Variants in KLHL4 observed in about 807,000 individuals in gnomAD.
KLHL4 encodes kelch like family member 4.
In KLHL4, 17 loss-of-function variants were observed where a neutral mutation model predicts 45.8. The ratio of observed to expected loss-of-function variants is 0.37; its 90% confidence interval spans 0.25 to 0.56. KLHL4 has a LOEUF of 0.56. Among genes scored for constraint, KLHL4 ranks in the 20% least tolerant of loss-of-function variants. The probability of loss-of-function intolerance (pLI) is 0.79; values close to 1 mark genes in which losing one functional copy is unlikely to be tolerated. For synonymous variants in KLHL4, 224 were observed against 189.9 expected (o/e 1.18, Z -1.47); for missense variants, 544 against 544.9 (o/e 1.00, Z 0.02).
intron 1 of KLHL4, among the ~76,000 whole-genome samples, chrX:87,530,404 A>G (rs1215344054): frequency 1.1e-5 from 1 of 90,917 alleles, no homozygotes; most frequent in Non-Finnish European, 2.2e-5. Context: ...ATATCTCCCA[A>G]TGCTATCCCT....
intron 1 of KLHL4, among the ~76,000 whole-genome samples, chrX:87,523,761 G>A (rs952472616): frequency 1.3e-4 from 14 of 110,804 alleles, no homozygotes; most frequent in African/African-American, 4.6e-4. Context: ...TCAGGAGTTC[G>A]AGACCAGCCT....
chrX:87,544,576 G>C (rs1261276087), intron 1 of KLHL4, among the ~76,000 whole-genome samples: 1 of 111,775 alleles, frequency 8.9e-6, no homozygotes, highest in African/African-American at 3.3e-5. Flanking sequence ...ATTTGTGTCA[G>C]TCCACACCAA....
intron 1 of KLHL4, among the ~76,000 whole-genome samples, chrX:87,536,258 G>T (rs778721719): frequency 9.0e-6 from 1 of 110,863 alleles, no homozygotes; most frequent in Non-Finnish European, 1.9e-5. Context: ...AAACAAATTT[G>T]GCCCTATTCT....
chrX:87,517,902 G>A lies in KLHL4; in HGVS notation c.9G>A (p.Val3=). The A allele has an allele frequency of 8.3e-7, 1 of 1,202,210 alleles. No individual in the cohort carries two copies. Among genetic ancestry groups the A allele is most frequent in the African/African-American group, 1.7e-5 (1 of 57,597 alleles). ...TCTTTCCTCCTGCTACGATGTCAGT[G>A]TCTGGCAAGAAAGAGTTTGATGTGA... is the stretch of plus-strand genomic sequence containing the variant. MS[V]SGKKEFDVKQ... Residue 3 remains valine, a synonymous_variant, in exon 1 of 11, where the codon GTG becomes GTA. Transcript: ENST00000373119.
intron 9 of KLHL4, among the ~76,000 whole-genome samples, chrX:87,660,712 C>A (rs1401242519): frequency 1.8e-5 from 2 of 112,110 alleles, no homozygotes; most frequent in South Asian, 3.6e-4. Context: ...GGCATTGTCG[C>A]GCATGCCTGT....
chrX:87,622,505 T>C, intron 5 of KLHL4, 82 bp downstream of exon 5: 1 of 636,623 alleles, frequency 1.6e-6, no homozygotes, highest in Non-Finnish European at 2.4e-6. Context: ...TGCCTAATTT[T>C]ATTTTTTCAG....
At chrX:87,534,443 G>A (rs767284377) in intron 1 of KLHL4, among the ~76,000 whole-genome samples, 4 of 110,969 alleles carry the variant, frequency 3.6e-5, no homozygotes, top group African/African-American at 6.6e-5. Flanking sequence ...GAAACCTAAC[G>A]CTTGATATAT....
chrX:87,665,761 A>G (rs922196479), intron 10 of KLHL4, among the ~76,000 whole-genome samples: 6 of 111,562 alleles, frequency 5.4e-5, no homozygotes, highest in African/African-American at 1.3e-4. Flanking sequence ...ATGCTACTCT[A>G]TATTCTACAG....
chrX:87,575,650 A>T (rs762908547), intron 1 of KLHL4, among the ~76,000 whole-genome samples: 73 of 111,910 alleles, frequency 6.5e-4, no homozygotes, highest in Non-Finnish European at 1.2e-3. Context: ...CAGGTGATAT[A>T]AGGAAACTTG....
chrX:87,609,075 C>G (rs1275437983), intron 1 of KLHL4, among the ~76,000 whole-genome samples: 1 of 111,323 alleles, frequency 9.0e-6, no homozygotes, highest in Non-Finnish European at 1.9e-5. Flanking sequence ...ATCCATGTCC[C>G]AAAGGACATG....
chrX:87,567,450 C>A (rs1447383703), intron 1 of KLHL4, among the ~76,000 whole-genome samples: 1 of 111,361 alleles, frequency 9.0e-6, no homozygotes, highest in Non-Finnish European at 1.9e-5. Context: ...ATGGCATGAT[C>A]TAGCAATTAT....
intron 1 of KLHL4, among the ~76,000 whole-genome samples, chrX:87,552,276 C>G (rs574657501): frequency 1.8e-5 from 2 of 110,984 alleles, no homozygotes; most frequent in African/African-American, 6.5e-5. Context: ...AAATGGCCAA[C>G]AAACATATAA....
At chrX:87,634,801 G>A (rs1923207587) in intron 8 of KLHL4, among the ~76,000 whole-genome samples, 1 of 111,649 alleles carries the variant, frequency 9.0e-6, no homozygotes, top group South Asian at 3.7e-4. Context: ...AAGTGATTCA[G>A]TTATGTAATC....
chrX:87,542,794 A>T (rs1931590760), intron 1 of KLHL4, among the ~76,000 whole-genome samples: 1 of 111,938 alleles, frequency 8.9e-6, no homozygotes, highest in African/African-American at 3.2e-5. Flanking sequence ...TGCTAGAATG[A>T]GTTAAGACTT....
intron 9 of KLHL4, among the ~76,000 whole-genome samples, chrX:87,642,883 C>T (rs954241930): frequency 1.8e-5 from 2 of 111,736 alleles, no homozygotes; most frequent in African/African-American, 6.5e-5. Context: ...TGAACAAAGC[C>T]TCCAAGAAGT....
intron 1 of KLHL4, among the ~76,000 whole-genome samples, chrX:87,610,101 A>T (rs765151280): frequency 4.2e-4 from 47 of 111,735 alleles, no homozygotes; most frequent in African/African-American, 1.4e-3. Flanking sequence ...GATGCCTTCC[A>T]TTACCACTCT....
intron 1 of KLHL4, among the ~76,000 whole-genome samples, chrX:87,568,139 A>G (rs760901308): frequency 9.1e-6 from 1 of 110,437 alleles, no homozygotes; most frequent in South Asian, 3.8e-4. Flanking sequence ...TCAAATTAAT[A>G]CAGGCAGAAA....
Position 87,666,688 on chromosome X carries a change from A to G in KLHL4, c.*154A>G, listed in dbSNP as rs1370979717. 1.0e-6 allele frequency: 1 copy of G among 983,753 alleles called. No homozygotes were observed. The highest frequency in any genetic ancestry group is 1.3e-6 in the Non-Finnish European group (1 of 781,314). The allele number at this position is 983,753 out of a possible 1,213,427, so 81.1% of individuals were successfully genotyped here. A position where few individuals can be genotyped will look rare whatever the true frequency, so the allele number is the denominator to read the frequency against. On this transcript the variant is annotated 3_prime_UTR_variant, in exon 11 of 11. Transcript: ENST00000373119. ...TTAATTTGTAGTTACAATTGCTTTC[A>G]TTCGTGAAGCCGAAACGTTTTTAAA...
intron 1 of KLHL4, among the ~76,000 whole-genome samples, chrX:87,558,705 T>G (rs1932033806): frequency 8.9e-6 from 1 of 112,135 alleles, no homozygotes; most frequent in African/African-American, 3.2e-5. Flanking sequence ...TTCATTTAAT[T>G]TCTCATTTGC....
Sources: allele counts gnomAD v4.1 joint callset (sites outside exome capture counted in the v4.1 genomes callset), GRCh38; gene constraint gnomAD v4.1.1; transcripts MANE v1.5; gene names NCBI Gene and HGNC (gene_info 2026-07-23, HGNC 2026-07-21).